The following SHC2 variants were observed in gnomAD, a reference collection of about 807,000 sequenced individuals.
SHC2 encodes the protein SHC-transforming protein 2.
Under a neutral mutation model 60.6 loss-of-function variants are expected in SHC2, and 62 were observed. That is an observed-to-expected ratio of 1.02 (90% CI 0.83 to 1.26). The LOEUF is 1.26. Among genes scored for constraint, SHC2 ranks in the 50% most tolerant of loss-of-function variants. SHC2 has a pLI of 0.00. For synonymous variants in SHC2, 375 were observed against 372.4 expected, an observed-to-expected ratio of 1.01 and a Z score of -0.08; for missense variants, 873 against 822.2, an observed-to-expected ratio of 1.06 and a Z score of -0.76.
chr19:431,264 G>A (rs1396516722), intron 8 of SHC2, among the ~76,000 whole-genome samples: 1 of 150,914 alleles, frequency 6.6e-6, no homozygotes, highest in African/African-American at 2.4e-5. Context: ...AGGCCGGGCA[G>A]ATAGATGGCG....
At chr19:437,244 CTGCGTGCTCGTT>C (rs772618083) in intron 4 of SHC2, among the ~76,000 whole-genome samples, 269 of 152,100 alleles carry the variant, frequency 1.8e-3, no homozygotes, top group Middle Eastern at 0.01. Context: ...GCGAGCTCAT[CTGCGTGCTCGTT>C]TGCGTGCTCG....
At chr19:428,354 G>A (rs1449304352) in intron 9 of SHC2, among the ~76,000 whole-genome samples, 1 of 152,198 alleles carries the variant, frequency 6.6e-6, no homozygotes, top group African/African-American at 2.4e-5. Context: ...CAGGCGGACC[G>A]TTTAAGGTCA....
In SHC2 at chr19:422,725, G is replaced by A. The variant is rs1303682461; in HGVS notation, c.1310-269C>T. 1 of 388,528 alleles carries A rather than the reference G, an allele frequency of 2.6e-6. No homozygotes were observed. The highest frequency in any genetic ancestry group is 4.2e-5 in the Admixed American group (1 of 23,770). 24.1% of individuals were successfully genotyped at this position (388,528 alleles called of 1,614,324 possible). On this transcript the variant is annotated intron_variant, in intron 10 of 12. Coordinates refer to ENST00000264554, the MANE Select transcript of SHC2 (RefSeq NM_012435.3). This position sits in a 1 kb window ranked among gnomAD's most constrained non-coding sequence, Gnocchi z 5.0. ...AGGGTAACAGCAGCTCTTTCTTTCA[G>A]AGGTTAACTCCTATTTCTTTTTCCT... is the stretch of plus-strand genomic sequence containing the variant.
intron 5 of SHC2, 44 bp downstream of exon 5, chr19:436,585 AG>A (rs746591857): frequency 5.6e-6 from 9 of 1,593,116 alleles, no homozygotes; most frequent in Non-Finnish European, 6.8e-6. Flanking sequence ...TCGCGGCCGG[AG>A]GGGGGCGGCA....
chr19:452,039 C>T (rs1302497146), intron 1 of SHC2, among the ~76,000 whole-genome samples: 2 of 152,226 alleles, frequency 1.3e-5, no homozygotes, highest in African/African-American at 4.8e-5. Flanking sequence ...GGAATGGTGG[C>T]CTTTGTGGCG....
At chr19:452,963 G>A (rs886754441) in intron 1 of SHC2, among the ~76,000 whole-genome samples, 1 of 152,180 alleles carries the variant, frequency 6.6e-6, no homozygotes, top group Non-Finnish European at 1.5e-5. Flanking sequence ...CCAGCCAATG[G>A]AGGAGGGAGA....
At position 439,006 on chromosome 19, in the gene SHC2, C is replaced by G; in HGVS notation, c.564G>C (p.Glu188Asp). The change falls in exon 3 of 13, where the codon GAG becomes GAC. Residue 188 changes from glutamate (E) to aspartate (D), a missense_variant. Transcript: ENST00000264554. Reference sequence around the variant, plus strand: ...AGGATCCCCGGACGCCAGGCACGGCCTCATGGAGCCGGTTGATGGCTTCCC... The same window carrying G: ...AGGATCCCCGGACGCCAGGCACGGCGTCATGGAGCCGGTTGATGGCTTCCC... ...VTREAINRLH[E>D]AVPGVRGSWK... 2.5e-6 allele frequency: 4 copies of G among 1,598,026 alleles called. No homozygotes were observed. Among genetic ancestry groups the G allele is most frequent in the Non-Finnish European group, 3.4e-6 (4 of 1,173,088 alleles).
intron 1 of SHC2, among the ~76,000 whole-genome samples, chr19:450,248 A>G (rs969149048): frequency 3.3e-5 from 5 of 152,352 alleles, no homozygotes; most frequent in Admixed American, 2.0e-4. Context: ...TTGTGGGGAA[A>G]GCCTTCCATG....
rs1974960246 is a variant in SHC2 at position 443,386 on chromosome 19, G to C, written c.469-2454C>G. 6.2e-5 allele frequency among the ~76,000 whole-genome samples: 9 copies of C among 145,264 alleles called. No individual in the cohort carries two copies. The South Asian group carries it at 2.1e-3, about 33-fold the overall frequency. On this transcript the variant is annotated intron_variant, in intron 1 of 12. Transcript: ENST00000264554. ...GATGGACGGATGGATGGATGGGTGG[G>C]TGGATGAATGGATGGATGGACGGGT...
chr19:443,296 G>C (rs1217598599), intron 1 of SHC2, among the ~76,000 whole-genome samples: 4 of 149,328 alleles, frequency 2.7e-5, no homozygotes, highest in Non-Finnish European at 4.4e-5. Context: ...GTGCATGGAT[G>C]GGTGGGTGGA....
intron 1 of SHC2, 43 bp downstream of exon 1, chr19:460,486 G>A (rs1240070072): frequency 7.3e-6 from 7 of 956,942 alleles, no homozygotes; most frequent in Non-Finnish European, 8.9e-6. Flanking sequence ...GGGGAGGGGA[G>A]GCCGCCGCGA....
In SHC2 at chr19:453,965, G is replaced by A. The variant is rs1310001122; in HGVS notation, c.468+6564C>T. On this transcript the variant is annotated intron_variant, in intron 1 of 12. Transcript: ENST00000264554. The surrounding 1 kb of genome is among the most constrained non-coding windows in gnomAD (Gnocchi z 6.3). ...CAAAATGGTACGTGTGGGAGAACAC[G>A]GGGTCGGTGTCCACAGACCTTGGCA... 1.3e-5 allele frequency among the ~76,000 whole-genome samples: 2 copies of A among 152,208 alleles called. No homozygotes were observed. The highest frequency in any genetic ancestry group is 1.9e-4 in the East Asian group (1 of 5,190).
chr19:436,334 TG>T (rs770104338), intron 6 of SHC2, 43 bp from the exon 7 acceptor site: 6 of 1,590,992 alleles, frequency 3.8e-6, no homozygotes, highest in Non-Finnish European at 5.1e-6. Context: ...CACACGGCCG[TG>T]CCCCCCAGCC....
chr19:422,523 C>A lies in SHC2; in HGVS notation c.1310-67G>T. 2.2e-6 allele frequency: 3 copies of A among 1,351,224 alleles called. No individual in the cohort carries two copies. The South Asian group carries it at 4.5e-5, about 20-fold the overall frequency. 83.7% of individuals were successfully genotyped at this position (1,351,224 alleles called of 1,614,324 possible). ...GCAGCTACTCCTGCCGGGACCAGAG[C>A]TGGGAGAAACGGGTTCCCCGGGGAG... is the stretch of plus-strand genomic sequence containing the variant. On this transcript the variant is annotated intron_variant, in intron 10 of 12. Coordinates refer to ENST00000264554, the MANE Select transcript of SHC2 (RefSeq NM_012435.3). The surrounding 1 kb of genome is among the most constrained non-coding windows in gnomAD (Gnocchi z 5.0).
At position 424,450 on chromosome 19, in the gene SHC2, G is replaced by A. The variant is rs925763250; in HGVS notation, c.1309+647C>T. Among the ~76,000 whole-genome samples the A allele has an allele frequency of 3.3e-5, 5 of 152,012 alleles. No homozygotes were observed. Among genetic ancestry groups the A allele is most frequent in the African/African-American group, 1.2e-4 (5 of 41,408 alleles). On this transcript the variant is annotated intron_variant, in intron 10 of 12. Coordinates refer to ENST00000264554, the MANE Select transcript of SHC2 (RefSeq NM_012435.3). This position sits in a 1 kb window ranked among gnomAD's most constrained non-coding sequence, Gnocchi z 4.5. Reference sequence around the variant, plus strand: ...TGAAGAGAAAACTCATCAGACTAGGGAGACCCAGAGTCAGCGTGCAAGACC... The same window carrying A: ...TGAAGAGAAAACTCATCAGACTAGGAAGACCCAGAGTCAGCGTGCAAGACC...
intron 1 of SHC2, among the ~76,000 whole-genome samples, chr19:456,417 C>T (rs1975343915): frequency 6.6e-6 from 1 of 152,120 alleles, no homozygotes; most frequent in Non-Finnish European, 1.5e-5. Context: ...CTCCCCTCAC[C>T]TAGGTCCCCT....
chr19:429,218 C>G (rs1377107586), intron 9 of SHC2, among the ~76,000 whole-genome samples: 1 of 148,890 alleles, frequency 6.7e-6, no homozygotes, highest in Non-Finnish European at 1.5e-5. Context: ...TGCAGAGAAA[C>G]CTAATACCGT....
At chr19:439,421 G>A (rs894938622) in intron 2 of SHC2, 20 of 273,160 alleles carry the variant, frequency 7.3e-5, no homozygotes, top group South Asian at 4.6e-4. Flanking sequence ...TTGGAGCAGC[G>A]AGCAGGAGGC....
intron 9 of SHC2, among the ~76,000 whole-genome samples, chr19:427,984 C>T (rs1974465145): frequency 6.6e-6 from 1 of 152,030 alleles, no homozygotes; most frequent in Non-Finnish European, 1.5e-5. Flanking sequence ...AGAGAAATTG[C>T]ACCCCGCACA....
Sources: allele counts gnomAD v4.1 joint callset (sites outside exome capture counted in the v4.1 genomes callset), GRCh38; gene constraint gnomAD v4.1.1; non-coding constraint Gnocchi (gnomAD v3.1); transcripts MANE v1.5; gene names NCBI Gene and HGNC (gene_info 2026-07-23, HGNC 2026-07-21).